SEC11A: variants seen among roughly 807,000 people sequenced by gnomAD.
SEC11A encodes signal peptidase complex catalytic subunit SEC11A.
SEC11A carries 14 observed loss-of-function variants against 25.6 expected under a neutral mutation model. The observed-to-expected ratio is 0.55, with a 90% CI of 0.36 to 0.85. The LOEUF is 0.85. Among genes scored for constraint, SEC11A ranks in the 40% least tolerant of loss-of-function variants. The pLI, the probability that SEC11A is intolerant of heterozygous loss-of-function variation, is 0.01. For missense variants in SEC11A, 153 were observed against 222.9 expected (o/e 0.69, Z 2.00); for synonymous variants, 83 against 76.4 (o/e 1.09, Z -0.45).
At chr15:84,689,492 C>A (rs1325659189) in intron 2 of SEC11A, among the ~76,000 whole-genome samples, 1 of 151,684 alleles carries the variant, frequency 6.6e-6, no homozygotes, top group African/African-American at 2.4e-5. Context: ...TATTTAGATT[C>A]TAGATAATAT....
intron 1 of SEC11A, among the ~76,000 whole-genome samples, chr15:84,695,201 G>A (rs1373048819): frequency 1.3e-5 from 2 of 150,318 alleles, no homozygotes; most frequent in African/African-American, 2.4e-5. Flanking sequence ...GGTGGCTCAC[G>A]CATGTAATCC....
chr15:84,710,359 T>C (rs965897574), intron 1 of SEC11A, among the ~76,000 whole-genome samples: 21 of 152,096 alleles, frequency 1.4e-4, no homozygotes, highest in African/African-American at 4.8e-4. Flanking sequence ...GTTGGCTGAG[T>C]GCAGTGGCTC....
At chr15:84,684,627 G>T (rs140238202) in intron 3 of SEC11A, among the ~76,000 whole-genome samples, 1 of 151,996 alleles carries the variant, frequency 6.6e-6, no homozygotes, top group East Asian at 1.9e-4. Flanking sequence ...TAAGAACAAT[G>T]TTAATACTAT....
rs574062694 is a variant in SEC11A at position 84,680,485 on chromosome 15, C to T, written c.431+228G>A. On this transcript the variant is annotated intron_variant, in intron 4 of 5. Coordinates refer to ENST00000268220, the MANE Select transcript of SEC11A (RefSeq NM_014300.4). ...TCACATCCAATTCACCATCTCATCA[C>T]TAGTATTCTATTCTTTTATTGCACC... Among the ~76,000 whole-genome samples, 11 of 152,232 alleles carry T rather than the reference C, an allele frequency of 7.2e-5. No individual in the cohort carries two copies. The South Asian group carries it at 2.3e-3, about 32-fold the overall frequency.
At chr15:84,686,472 A>C (rs1156787957) in intron 3 of SEC11A, 1 of 152,184 alleles carries the variant, frequency 6.6e-6, no homozygotes, top group African/African-American at 2.4e-5. Flanking sequence ...TTAGCTGGGC[A>C]TGGTGGCACA....
intron 3 of SEC11A, among the ~76,000 whole-genome samples, chr15:84,684,359 A>G (rs1339963676): frequency 2.6e-5 from 4 of 152,108 alleles, no homozygotes; most frequent in East Asian, 1.9e-4. Context: ...ATGAGATCCA[A>G]TGGTTTTATA....
intron 1 of SEC11A, among the ~76,000 whole-genome samples, chr15:84,697,301 T>A (rs1897795912): frequency 6.6e-6 from 1 of 152,092 alleles, no homozygotes; most frequent in African/African-American, 2.4e-5. Context: ...AGTTAAAATA[T>A]ATAATTTCCT....
chr15:84,702,796 T>G (rs1420233863), intron 1 of SEC11A, among the ~76,000 whole-genome samples: 13 of 152,186 alleles, frequency 8.5e-5, no homozygotes. Context: ...CAGATGGTAT[T>G]CACTGGCAAA....
In SEC11A at chr15:84,716,120, G is replaced by A; in HGVS notation, c.-45C>T. On this transcript the variant is annotated 5_prime_UTR_variant, in exon 1 of 6. Coordinates refer to ENST00000268220, the MANE Select transcript of SEC11A (RefSeq NM_014300.4). ...ACACCGGCAGGGGAAAGGGCGCGAT[G>A]ACCAGCGGGCGGAACTACTGGAGCT... is the stretch of plus-strand genomic sequence containing the variant. 6.3e-7 allele frequency: 1 copy of A among 1,593,694 alleles called. No homozygotes were observed.
At chr15:84,677,838 T>C (rs1897180372) in intron 4 of SEC11A, among the ~76,000 whole-genome samples, 1 of 152,124 alleles carries the variant, frequency 6.6e-6, no homozygotes, top group Non-Finnish European at 1.5e-5. Flanking sequence ...TTTCGTAGGA[T>C]GATGCATCTT....
intron 4 of SEC11A, chr15:84,679,781 T>G: frequency 1.9e-6 from 1 of 538,658 alleles, no homozygotes; most frequent in South Asian, 3.1e-5. Context: ...ATATTAGGGT[T>G]GTTCTGAGGT....
In SEC11A at chr15:84,670,755, C is replaced by T. The variant is rs1209394133; in HGVS notation, c.459G>A (p.Thr153=). The change falls in exon 5 of 6, where the codon ACG becomes ACA. Residue 153 remains threonine, a synonymous_variant. Transcript: ENST00000268220. ...ATTTAGGATAGTCATTCATGAGGAT[C>T]GTCACAATTCCAATATAAGGAACAA... ...RGFVPYIGIV[T]ILMNDYPKFK... 27 of 1,458,054 alleles carry T rather than the reference C, an allele frequency of 1.9e-5. No individual in the cohort carries two copies. Among genetic ancestry groups the T allele is most frequent in the African/African-American group, 7.1e-5 (5 of 70,134 alleles). 90.3% of individuals were successfully genotyped at this position (1,458,054 alleles called of 1,614,324 possible).
Position 84,697,278 on chromosome 15 carries a change from A to G in SEC11A, c.52-5634T>C, listed in dbSNP as rs185426210. Among the ~76,000 whole-genome samples, 48 of 152,228 alleles carry G rather than the reference A, an allele frequency of 3.2e-4. 1 individual carries two copies. Among genetic ancestry groups the G allele is most frequent in the African/African-American group, 1.2e-3 (48 of 41,542 alleles). On this transcript the variant is annotated intron_variant, in intron 1 of 5. Coordinates refer to ENST00000268220, the MANE Select transcript of SEC11A (RefSeq NM_014300.4). ...TCTTGTCTCAAAAAATAATAATACA[A>G]TAAAAATGAACAAGTTAAAATATAT...
chr15:84,699,277 T>C (rs1273237503), intron 1 of SEC11A, among the ~76,000 whole-genome samples: 1 of 135,600 alleles, frequency 7.4e-6, no homozygotes, highest in African/African-American at 2.8e-5. Flanking sequence ...ATCACACCAC[T>C]GCACTCCAGC....
In SEC11A at chr15:84,691,574, A is replaced by G; in HGVS notation, c.122T>C (p.Val41Ala). ...SALMIWKGLM[V>A]ITGSESPIVV... ...AATCGGACTTTCACTTCCAGTTATT[A>G]CCATTAACCCCTTCCAGATCATTAG... The change falls in exon 2 of 6, where the codon GTA (valine) becomes GCA (alanine). Residue 41 changes from valine (V) to alanine (A), a missense_variant. Coordinates refer to ENST00000268220, the MANE Select transcript of SEC11A (RefSeq NM_014300.4). The G allele has an allele frequency of 6.2e-7, 1 of 1,612,432 alleles. No homozygotes were observed. Among genetic ancestry groups the G allele is most frequent in the Non-Finnish European group, 8.5e-7 (1 of 1,178,900 alleles).
chr15:84,679,354 T>A, intron 4 of SEC11A: 2 of 581,156 alleles, frequency 3.4e-6, no homozygotes, highest in Non-Finnish European at 5.7e-6. Context: ...GGGGACATAT[T>A]AAAACAACAA....
chr15:84,713,383 G>A (rs1435872963), intron 1 of SEC11A, among the ~76,000 whole-genome samples: 1 of 151,992 alleles, frequency 6.6e-6, no homozygotes, highest in African/African-American at 2.4e-5. Context: ...ACTTTTAGAG[G>A]AATAAAACAA....
At chr15:84,710,140 T>G (rs1188586676) in intron 1 of SEC11A, among the ~76,000 whole-genome samples, 5 of 152,204 alleles carry the variant, frequency 3.3e-5, no homozygotes, top group Admixed American at 2.0e-4. Context: ...TGTTTTAGAT[T>G]ATGTGAATCA....
intron 4 of SEC11A, chr15:84,679,895 G>C: frequency 7.0e-7 from 1 of 1,435,238 alleles, no homozygotes; most frequent in Admixed American, 2.0e-5. Context: ...CATTAAGGGA[G>C]CAACAATGCC....
Sources: gnomAD v4.1 joint callset for allele counts (sites outside exome capture counted in the v4.1 genomes callset) on GRCh38, gnomAD v4.1.1 for gene constraint, MANE v1.5 for transcripts, NCBI Gene and HGNC (gene_info 2026-07-23, HGNC 2026-07-21) for gene names.